The following EGFLAM variants were observed in gnomAD, a reference collection of about 807,000 sequenced individuals.
EGFLAM encodes the protein EGF like, fibronectin type III and laminin G domains.
A neutral mutation model predicts 113.1 loss-of-function variants in EGFLAM; 79 were observed. The observed-to-expected ratio is 0.70, with a 90% CI of 0.58 to 0.84. The LOEUF is 0.84. EGFLAM is among the 40% of genes least tolerant of loss of function. The pLI is 0.00. For missense variants in EGFLAM, 1,265 were observed against 1,291.6 expected (o/e 0.98, Z 0.32); for synonymous variants, 504 against 487.6 (o/e 1.03, Z -0.44).
chr5:38,311,174 G>A (rs889867819), intron 1 of EGFLAM, among the ~76,000 whole-genome samples: 2 of 152,150 alleles, frequency 1.3e-5, no homozygotes, highest in African/African-American at 4.8e-5. Flanking sequence ...GCTAATGGAA[G>A]TCTATCAACA....
chr5:38,270,104 A>G (rs1425350340), intron 1 of EGFLAM, among the ~76,000 whole-genome samples: 1 of 151,988 alleles, frequency 6.6e-6, no homozygotes, highest in Non-Finnish European at 1.5e-5. Flanking sequence ...CACTCTGTAG[A>G]GTAACCTGGG....
intron 5 of EGFLAM, among the ~76,000 whole-genome samples, chr5:38,366,704 G>C (rs117689748): frequency 2.6e-5 from 4 of 152,138 alleles, no homozygotes; most frequent in Admixed American, 1.3e-4. Flanking sequence ...TGAGAGACTG[G>C]ATCAGATCAG....
intron 1 of EGFLAM, among the ~76,000 whole-genome samples, chr5:38,268,631 A>G (rs1008381607): frequency 6.6e-6 from 1 of 152,168 alleles, no homozygotes; most frequent in Non-Finnish European, 1.5e-5. Context: ...TTTCCCATGG[A>G]TATTTTATAC....
At chr5:38,334,077 C>T (rs1464171026) in intron 1 of EGFLAM, among the ~76,000 whole-genome samples, 1 of 151,960 alleles carries the variant, frequency 6.6e-6, no homozygotes, top group African/African-American at 2.4e-5. Context: ...ACTCCTGCCA[C>T]CACGCCCAGC....
At chr5:38,451,874 C>T (rs981659181) in intron 19 of EGFLAM, among the ~76,000 whole-genome samples, 2 of 151,732 alleles carry the variant, frequency 1.3e-5, no homozygotes, top group Non-Finnish European at 1.5e-5. Context: ...CACCTGTAAT[C>T]CCAGCTACTA....
At chr5:38,371,644 ACATATGCACATG>A (rs1165215318) in intron 6 of EGFLAM, among the ~76,000 whole-genome samples, 9 of 152,166 alleles carry the variant, frequency 5.9e-5, no homozygotes, top group African/African-American at 2.2e-4. Context: ...ACACGCACAC[ACATATGCACATG>A]CTCGTGCACC....
intron 5 of EGFLAM, among the ~76,000 whole-genome samples, chr5:38,369,657 A>C (rs1472169328): frequency 6.6e-6 from 1 of 152,168 alleles, no homozygotes; most frequent in Admixed American, 6.5e-5. Context: ...TAAGTAGGAG[A>C]GTCAGGATTT....
intron 1 of EGFLAM, among the ~76,000 whole-genome samples, chr5:38,316,409 C>A (rs897702789): frequency 2.6e-5 from 4 of 152,180 alleles, no homozygotes; most frequent in Non-Finnish European, 5.9e-5. Flanking sequence ...GGCTCATGGT[C>A]TGTCTGGATT....
At chr5:38,442,437 T>G (rs1268545278) in intron 17 of EGFLAM, among the ~76,000 whole-genome samples, 2 of 148,480 alleles carry the variant, frequency 1.3e-5, no homozygotes, top group African/African-American at 4.9e-5. Flanking sequence ...TAATTTAATA[T>G]ATTAAAATAT....
intron 5 of EGFLAM, among the ~76,000 whole-genome samples, chr5:38,369,999 C>T (rs2059835): frequency 0.54 from 82,809 of 152,024 alleles, 24,736 homozygotes; most frequent in African/African-American, 0.81. Flanking sequence ...TCCTTGAAAG[C>T]GAATTCCTAT....
chr5:38,454,165 G>A (rs1230511328), intron 19 of EGFLAM, among the ~76,000 whole-genome samples: 3 of 152,120 alleles, frequency 2.0e-5, no homozygotes, highest in East Asian at 3.9e-4. Flanking sequence ...CAATGTCCCC[G>A]ATGCTGATGT....
At chr5:38,354,024 T>C (rs1739698858) in intron 5 of EGFLAM, among the ~76,000 whole-genome samples, 1 of 152,210 alleles carries the variant, frequency 6.6e-6, no homozygotes, top group Non-Finnish European at 1.5e-5. Context: ...TTCCAAGCTC[T>C]GGAATTAACA....
At chr5:38,267,549 T>C (rs1345852907) in intron 1 of EGFLAM, among the ~76,000 whole-genome samples, 2 of 152,134 alleles carry the variant, frequency 1.3e-5, no homozygotes, top group East Asian at 3.8e-4. Flanking sequence ...ACCTGTTATA[T>C]TGTCTGTAAT....
intron 1 of EGFLAM, among the ~76,000 whole-genome samples, chr5:38,300,620 C>T (rs950923960): frequency 1.3e-5 from 2 of 152,166 alleles, no homozygotes; most frequent in Non-Finnish European, 2.9e-5. Flanking sequence ...AAGTGATCAC[C>T]CACCTTGGCT....
intron 6 of EGFLAM, among the ~76,000 whole-genome samples, chr5:38,394,948 T>G (rs1378338507): frequency 2.6e-5 from 4 of 152,078 alleles, no homozygotes; most frequent in African/African-American, 4.8e-5. Context: ...TTTTTAATTT[T>G]TATTTTTTTG....
At chr5:38,446,961 T>C (rs556829986) in intron 17 of EGFLAM, among the ~76,000 whole-genome samples, 47 of 152,322 alleles carry the variant, frequency 3.1e-4, no homozygotes, top group African/African-American at 1.1e-3. Context: ...GCACCAACCA[T>C]GTATTTTCGT....
At chr5:38,454,241 T>C (rs1743013418) in intron 19 of EGFLAM, among the ~76,000 whole-genome samples, 1 of 152,152 alleles carries the variant, frequency 6.6e-6, no homozygotes, top group African/African-American at 2.4e-5. Flanking sequence ...TTTGAAGATG[T>C]CAGCGGTGTG....
At chr5:38,308,327 T>C (rs573587920) in intron 1 of EGFLAM, among the ~76,000 whole-genome samples, 66 of 152,340 alleles carry the variant, frequency 4.3e-4, no homozygotes, top group African/African-American at 1.5e-3. Flanking sequence ...TCAATGTCCT[T>C]ATTGCTCTTT....
intron 3 of EGFLAM, among the ~76,000 whole-genome samples, chr5:38,342,704 G>C (rs969908863): frequency 2.6e-5 from 4 of 152,150 alleles, no homozygotes; most frequent in African/African-American, 9.7e-5. Context: ...TTTAGAGTTA[G>C]AAATAGAAAA....
Sources: gnomAD v4.1 joint callset for allele counts (sites outside exome capture counted in the v4.1 genomes callset) on GRCh38, gnomAD v4.1.1 for gene constraint, MANE v1.5 for transcripts, NCBI Gene and HGNC (gene_info 2026-07-23, HGNC 2026-07-21) for gene names.